The following PRKCE variants were observed in gnomAD, a reference collection of about 807,000 sequenced individuals.
The protein encoded by PRKCE is protein kinase C epsilon, also known as protein kinase C epsilon type.
Under a neutral mutation model 85.4 loss-of-function variants are expected in PRKCE, and 16 were observed. That is an observed-to-expected ratio of 0.19 (90% CI 0.13 to 0.28). The LOEUF is 0.28. PRKCE is among the 10% of genes least tolerant of loss of function. The pLI, the probability that PRKCE is intolerant of heterozygous loss-of-function variation, is 1.00. For missense variants in PRKCE, 573 were observed against 975.2 expected (o/e 0.59, Z 5.49); for synonymous variants, 388 against 371.5 (o/e 1.04, Z -0.51).
intron 1 of PRKCE, among the ~76,000 whole-genome samples, chr2:45,759,075 T>G (rs955311808): frequency 6.6e-6 from 1 of 152,248 alleles, no homozygotes; most frequent in East Asian, 1.9e-4. Context: ...TTATAGGTGA[T>G]TTTGAAGATG....
At chr2:45,729,142 T>A (rs1165381031) in intron 1 of PRKCE, among the ~76,000 whole-genome samples, 1 of 152,186 alleles carries the variant, frequency 6.6e-6, no homozygotes, top group Admixed American at 6.5e-5. Context: ...AAAGCCTTGA[T>A]CAATGGAACA....
At chr2:46,002,727 C>G (rs1704803792) in intron 7 of PRKCE, among the ~76,000 whole-genome samples, 2 of 152,170 alleles carry the variant, frequency 1.3e-5, no homozygotes, top group Admixed American at 1.3e-4. Flanking sequence ...ACCCAAGGCC[C>G]TGGAATTGCA....
chr2:45,759,396 G>T (rs73926060), intron 1 of PRKCE, among the ~76,000 whole-genome samples: 1 of 152,172 alleles, frequency 6.6e-6, no homozygotes, highest in African/African-American at 2.4e-5. Flanking sequence ...AGATGGCTCC[G>T]ATTTATCCAT....
At chr2:45,922,135 G>A (rs1044784782) in intron 2 of PRKCE, among the ~76,000 whole-genome samples, 2 of 152,260 alleles carry the variant, frequency 1.3e-5, no homozygotes, top group South Asian at 4.1e-4. Context: ...ACTCCTCTAG[G>A]AGGTCAAGTT....
chr2:45,914,929 T>A (rs1387910875), intron 2 of PRKCE, among the ~76,000 whole-genome samples: 1 of 152,204 alleles, frequency 6.6e-6, no homozygotes, highest in Non-Finnish European at 1.5e-5. Flanking sequence ...GCTAGAACTT[T>A]CCATATTGTT....
intron 8 of PRKCE, among the ~76,000 whole-genome samples, chr2:46,006,437 C>T (rs774718824): frequency 6.6e-6 from 1 of 152,106 alleles, no homozygotes; most frequent in East Asian, 1.9e-4. Context: ...AGGAGCCAAA[C>T]TCCAGATCTA....
At chr2:45,772,392 G>A (rs990562864) in intron 1 of PRKCE, among the ~76,000 whole-genome samples, 1 of 152,186 alleles carries the variant, frequency 6.6e-6, no homozygotes, top group East Asian at 1.9e-4. Context: ...AAGTAAGGAG[G>A]GATTTAGGAA....
At chr2:46,011,767 C>T (rs1705697935) in intron 10 of PRKCE, among the ~76,000 whole-genome samples, 1 of 151,990 alleles carries the variant, frequency 6.6e-6, no homozygotes, top group African/African-American at 2.4e-5. Context: ...CCATCTCTCT[C>T]TTACACACAC....
At chr2:45,934,079 C>T (rs1450832796) in intron 2 of PRKCE, among the ~76,000 whole-genome samples, 2 of 152,112 alleles carry the variant, frequency 1.3e-5, no homozygotes, top group Non-Finnish European at 2.9e-5. Flanking sequence ...CTGCTGTCAC[C>T]GACTTGCCAA....
chr2:45,778,518 G>A (rs1262518927), intron 1 of PRKCE, among the ~76,000 whole-genome samples: 2 of 152,040 alleles, frequency 1.3e-5, no homozygotes, highest in Non-Finnish European at 2.9e-5. Flanking sequence ...CCTTTGAGAT[G>A]GTCCCACTAC....
chr2:45,782,668 C>T (rs1161559882), intron 1 of PRKCE, among the ~76,000 whole-genome samples: 1 of 152,094 alleles, frequency 6.6e-6, no homozygotes, highest in Non-Finnish European at 1.5e-5. Flanking sequence ...TTTTTATGAA[C>T]TGTCCACTTT....
intron 2 of PRKCE, among the ~76,000 whole-genome samples, chr2:45,923,903 C>T (rs1234429345): frequency 1.3e-5 from 2 of 152,186 alleles, no homozygotes; most frequent in East Asian, 1.9e-4. Flanking sequence ...GGAGAAACCA[C>T]ACTGGCCAGA....
chr2:46,008,117 C>T (rs1017516360), intron 9 of PRKCE, among the ~76,000 whole-genome samples: 1 of 152,190 alleles, frequency 6.6e-6, no homozygotes, highest in African/African-American at 2.4e-5. Flanking sequence ...GCATGCATTA[C>T]TTTGGAAGGT....
chr2:45,850,635 T>G (rs1573603794), intron 2 of PRKCE, among the ~76,000 whole-genome samples: 2 of 152,364 alleles, frequency 1.3e-5, no homozygotes, highest in East Asian at 3.9e-4. Flanking sequence ...TTGATTTTCC[T>G]TATTACCTAG....
intron 1 of PRKCE, among the ~76,000 whole-genome samples, chr2:45,829,346 G>A (rs1182950930): frequency 2.6e-5 from 4 of 152,176 alleles, no homozygotes; most frequent in Admixed American, 6.5e-5. Flanking sequence ...TAGTACTTCA[G>A]ATGACATATT....
In PRKCE at chr2:45,698,367, G is replaced by A. The variant is rs764766603; in HGVS notation, c.348+45919G>A. On this transcript the variant is annotated intron_variant, in intron 1 of 14. Coordinates refer to ENST00000306156, the MANE Select transcript of PRKCE (RefSeq NM_005400.3). ...GATATAAAACAAAAATTTCCAGTTG[G>A]GGGTGAAAGTGAAGGGAAGGGCTAT... 4.6e-5 allele frequency among the ~76,000 whole-genome samples: 7 copies of A among 152,238 alleles called. No homozygotes were observed. The South Asian group carries it at 6.2e-4, about 14-fold the overall frequency.
intron 1 of PRKCE, among the ~76,000 whole-genome samples, chr2:45,683,693 A>G (rs1382040771): frequency 6.6e-6 from 1 of 152,194 alleles, no homozygotes; most frequent in Non-Finnish European, 1.5e-5. Context: ...CTTACCTTGA[A>G]CAAGTCATTA....
chr2:45,795,175 T>A (rs2105127809), intron 1 of PRKCE, among the ~76,000 whole-genome samples: 1 of 152,322 alleles, frequency 6.6e-6, no homozygotes, highest in African/African-American at 2.4e-5. Flanking sequence ...TTTCTGGTCT[T>A]CCTTGGCATG....
chr2:45,978,298 A>G (rs1702617097), intron 3 of PRKCE: 1 of 152,246 alleles, frequency 6.6e-6, no homozygotes, highest in South Asian at 2.1e-4. Flanking sequence ...TCTGGTTCCC[A>G]CTGGGCTGGG....
Sources: gnomAD v4.1 joint callset for allele counts (sites outside exome capture counted in the v4.1 genomes callset) on GRCh38, gnomAD v4.1.1 for gene constraint, MANE v1.5 for transcripts, NCBI Gene and HGNC (gene_info 2026-07-23, HGNC 2026-07-21) for gene names.